Variants in TCTN1 observed in about 807,000 individuals in gnomAD.
TCTN1 encodes the protein tectonic-1.
TCTN1 carries 58 observed loss-of-function variants against 65.8 expected under a neutral mutation model. The observed-to-expected ratio is 0.88, with a 90% confidence interval of 0.71 to 1.10. The LOEUF is 1.10. Among genes scored for constraint, TCTN1 ranks in the 50% least tolerant of loss-of-function variants. TCTN1 has a pLI of 0.00. For synonymous variants in TCTN1, 273 were observed against 289.1 expected (o/e 0.94, Z 0.57); for missense variants, 645 against 719.4 (o/e 0.90, Z 1.18).
chr12:110,615,681 G>C (rs964005303), intron 1 of TCTN1, among the ~76,000 whole-genome samples: 1 of 151,972 alleles, frequency 6.6e-6, no homozygotes, highest in Non-Finnish European at 1.5e-5. Flanking sequence ...ATGAGATCTC[G>C]CTATGTTGTT....
intron 1 of TCTN1, among the ~76,000 whole-genome samples, chr12:110,617,160 A>G (rs1193892525): frequency 1.3e-5 from 2 of 152,206 alleles, no homozygotes; most frequent in Non-Finnish European, 2.9e-5. Flanking sequence ...TTTTTACATT[A>G]GCGTGCATAA....
In TCTN1 at chr12:110,647,201, T is replaced by C; in HGVS notation, c.1500T>C (p.Phe500=). The part of the protein sequence containing the change: ...FITQSFNRKH[F]VLQDSCQLPG... ...AGATTCTAATGGATTAACAGCATTTTGTTTTGCAGGATTCCTGCCAGCTCC... is the reference window on the plus strand; with the variant it reads ...AGATTCTAATGGATTAACAGCATTTCGTTTTGCAGGATTCCTGCCAGCTCC... The change falls in exon 13 of 15, where the codon TTT becomes TTC. Residue 500 remains phenylalanine, a synonymous_variant. Transcript: ENST00000397659. 6.2e-7 allele frequency: 1 copy of C among 1,614,250 alleles called. No homozygotes were observed. The highest frequency in any genetic ancestry group is 8.5e-7 in the Non-Finnish European group (1 of 1,180,044).
chr12:110,626,709 A>C (rs1320510328), intron 3 of TCTN1, among the ~76,000 whole-genome samples: 3 of 148,320 alleles, frequency 2.0e-5, no homozygotes, highest in Non-Finnish European at 4.4e-5. Context: ...CCTACTGAGT[A>C]GCTGGGATTA....
intron 7 of TCTN1, among the ~76,000 whole-genome samples, chr12:110,637,145 C>T (rs1000015790): frequency 1.3e-5 from 2 of 152,200 alleles, no homozygotes; most frequent in African/African-American, 2.4e-5. Context: ...GTTTCCCACC[C>T]TGTGGAACTG....
At position 110,642,374 on chromosome 12, in the gene TCTN1, C is replaced by T. The variant is rs2067015747; in HGVS notation, c.1316C>T (p.Ser439Phe). 1 of 1,614,096 alleles carries T rather than the reference C, an allele frequency of 6.2e-7. No individual in the cohort carries two copies. Among genetic ancestry groups the T allele is most frequent in the Non-Finnish European group, 8.5e-7 (1 of 1,180,048 alleles). The change falls in exon 11 of 15, where the codon TCT becomes TTT. Residue 439 changes from serine to phenylalanine, a missense_variant. Physicochemically the swap from Ser to Phe is radical, Grantham distance 155. Coordinates refer to ENST00000397659, the MANE Select transcript of TCTN1 (RefSeq NM_001082538.3). ...TPVLFGYTMQ[S>F]GCKLRLTGAL... ...GTATTATTTGGTTACACTATGCAAT[C>T]TGGCTGTAAACTAAGGTAAAAGAGT...
Position 110,632,500 on chromosome 12 carries a change from C to G in TCTN1, c.653C>G (p.Ser218Trp). The G allele has an allele frequency of 6.2e-7, 1 of 1,613,988 alleles. No homozygotes were observed. The change falls in exon 5 of 15, where the codon TCG (serine) becomes TGG (tryptophan). Residue 218 changes from serine (S) to tryptophan (W), a missense_variant. Ser to Trp is a radical substitution (Grantham distance 177, BLOSUM62 -3). Coordinates refer to ENST00000397659, the MANE Select transcript of TCTN1 (RefSeq NM_001082538.3). ...GGGGTTCCTCTGCAGACTTCAGATT[C>G]GTTTCTGAGATTTCCTTCGTCCCTG... ...EYGVPLQTSD[S>W]FLRFPSSLTS... is the part of the protein sequence containing the mutation.
chr12:110,641,436 T>G (rs1460438203), intron 9 of TCTN1, 106 bp from the exon 10 acceptor site: 1 of 1,144,172 alleles, frequency 8.7e-7, no homozygotes, highest in Non-Finnish European at 1.3e-6. Flanking sequence ...GAAATTCTTT[T>G]ATTGGTTGGT....
chr12:110,624,801 T>G (rs983791944), intron 2 of TCTN1, among the ~76,000 whole-genome samples: 1 of 151,788 alleles, frequency 6.6e-6, no homozygotes, highest in Non-Finnish European at 1.5e-5. Context: ...AGGCTGGTCT[T>G]GAATGCCTGA....
At chr12:110,634,589 A>G (rs1274224006) in intron 5 of TCTN1, 81 bp from the exon 6 acceptor site, 1 of 1,117,362 alleles carries the variant, frequency 8.9e-7, no homozygotes, top group East Asian at 2.6e-5. Flanking sequence ...CTAGATTAAA[A>G]CTTTTTAGTT....
rs75264106 is a variant in TCTN1, at chr12:110,614,866, A to T, written c.220+464A>T. ...AAAACCCAGGATTCCTCCTGTGTTG[A>T]ATTGGAGGTGGAAAGCTATTGAGGG... On this transcript the variant is annotated intron_variant, in intron 1 of 14. Coordinates refer to ENST00000397659, the MANE Select transcript of TCTN1 (RefSeq NM_001082538.3). Among the ~76,000 whole-genome samples, 1,012 of 152,318 alleles carry T rather than the reference A, an allele frequency of 6.6e-3. 3 individuals carry two copies. The highest frequency in any genetic ancestry group is 0.011 in the Non-Finnish European group (716 of 68,032).
chr12:110,645,286 A>T, intron 12 of TCTN1, 157 bp downstream of exon 12: 1 of 915,754 alleles, frequency 1.1e-6, no homozygotes, highest in Non-Finnish European at 1.7e-6. Flanking sequence ...CTTGTTAGCA[A>T]TGTTGCCTCT....
chr12:110,641,668 C>A, intron 10 of TCTN1, 41 bp downstream of exon 10: 1 of 1,580,136 alleles, frequency 6.3e-7, no homozygotes, highest in Non-Finnish European at 8.7e-7. Flanking sequence ...TTATTTCTCT[C>A]TCCATGTGCG....
At chr12:110,647,453 C>A in intron 13 of TCTN1, 117 bp downstream of exon 13, 1 of 1,368,482 alleles carries the variant, frequency 7.3e-7, no homozygotes, top group Non-Finnish European at 1.0e-6. Flanking sequence ...CATGGGGGTT[C>A]ATAAAATATT....
At chr12:110,619,005 T>G (rs1364452019) in intron 1 of TCTN1, among the ~76,000 whole-genome samples, 1 of 143,504 alleles carries the variant, frequency 7.0e-6, no homozygotes, top group Admixed American at 7.0e-5. Context: ...ACCCCGTCCC[T>G]AATAAAAATA....
In TCTN1 at chr12:110,644,635, C is replaced by A; in HGVS notation, c.1332-332C>A. 1 of 337,478 alleles carries A rather than the reference C, an allele frequency of 3.0e-6. No individual in the cohort carries two copies. Among genetic ancestry groups the A allele is most frequent in the Admixed American group, 4.4e-5 (1 of 22,658 alleles). 20.9% of individuals were successfully genotyped at this position (337,478 alleles called of 1,614,324 possible). A position where few individuals can be genotyped will look rare whatever the true frequency, so the allele number is the denominator to read the frequency against. On this transcript the variant is annotated intron_variant, in intron 11 of 14. Transcript: ENST00000397659. The surrounding 1 kb of genome is among the most constrained non-coding windows in gnomAD (Gnocchi z 4.6). ...GGTGGTTGCAGTGAGCCAAGATTGC[C>A]TCACTGTACTCCAGCCTGGGCAACA...
chr12:110,634,399 A>G (rs1427608543), intron 5 of TCTN1: 1 of 512,160 alleles, frequency 2.0e-6, no homozygotes, highest in Non-Finnish European at 3.8e-6. Context: ...ATTGTAGGCC[A>G]GGCGTACTGG....
At chr12:110,623,296 C>T (rs1463540212) in intron 2 of TCTN1, among the ~76,000 whole-genome samples, 1 of 152,182 alleles carries the variant, frequency 6.6e-6, no homozygotes, top group African/African-American at 2.4e-5. Flanking sequence ...CAGCCTTGGC[C>T]ATTGCCGTTC....
chr12:110,647,563 CGTGTTAATCA>C, intron 13 of TCTN1, 176 bp from the exon 14 acceptor site: 2 of 1,025,942 alleles, frequency 1.9e-6, no homozygotes, highest in Non-Finnish European at 2.9e-6. Flanking sequence ...ATGATATTCA[CGTGTTAATCA>C]GACACCCTGG....
chr12:110,641,200 A>G (rs1280897938), intron 9 of TCTN1, 51 bp downstream of exon 9: 5 of 1,612,742 alleles, frequency 3.1e-6, no homozygotes, highest in Non-Finnish European at 3.4e-6. Flanking sequence ...TTAAAAAGAA[A>G]TAATGACTTC....
Sources: gnomAD v4.1 joint callset for allele counts (sites outside exome capture counted in the v4.1 genomes callset) on GRCh38, gnomAD v4.1.1 for gene constraint, Gnocchi (gnomAD v3.1) non-coding constraint, MANE v1.5 for transcripts, NCBI Gene and HGNC (gene_info 2026-07-23, HGNC 2026-07-21) for gene names.